Variants in WDFY4 observed in about 807,000 individuals in gnomAD.
WDFY4 encodes WD repeat- and FYVE domain-containing protein 4.
WDFY4 carries 169 observed loss-of-function variants against 351.9 expected under a neutral mutation model. The ratio of observed to expected loss-of-function variants is 0.48; its 90% confidence interval spans 0.42 to 0.55. The LOEUF is 0.55. Ranked by LOEUF, WDFY4 falls within the 20% of genes least tolerant of loss-of-function variation. The pLI, the probability that WDFY4 is intolerant of heterozygous loss-of-function variation, is 0.00. For missense variants in WDFY4, 3,803 were observed against 3,935.6 expected (o/e 0.97, Z 0.90); for synonymous variants, 1,622 against 1,574.6 (o/e 1.03, Z -0.71).
chr10:48,694,920 C>A (rs1276799860), intron 1 of WDFY4, among the ~76,000 whole-genome samples: 1 of 152,196 alleles, frequency 6.6e-6, no homozygotes, highest in Non-Finnish European at 1.5e-5. Flanking sequence ...GCCACCACCA[C>A]CCTGCCCAAT....
chr10:48,913,717 G>T, intron 47 of WDFY4: 1 of 1,612,926 alleles, frequency 6.2e-7, no homozygotes, highest in Non-Finnish European at 8.5e-7. Context: ...CCTACCTCGT[G>T]GAGCTCCTTC....
At chr10:48,796,533 C>A in intron 24 of WDFY4, 83 bp downstream of exon 24, 1 of 1,471,820 alleles carries the variant, frequency 6.8e-7, no homozygotes, top group South Asian at 1.3e-5. Context: ...CTAAACCTAG[C>A]ATGTCAGCTT....
At chr10:48,798,474 TAGAA>T (rs1320337887) in intron 24 of WDFY4, among the ~76,000 whole-genome samples, 1 of 152,058 alleles carries the variant, frequency 6.6e-6, no homozygotes, top group African/African-American at 2.4e-5. Flanking sequence ...AATGAGCAAT[TAGAA>T]AGGAAAGAGA....
intron 39 of WDFY4, among the ~76,000 whole-genome samples, chr10:48,864,975 G>A (rs2069490239): frequency 6.6e-6 from 1 of 152,076 alleles, no homozygotes; most frequent in South Asian, 2.1e-4. Context: ...GGAATATTTG[G>A]GATTTTCTAT....
intron 51 of WDFY4, among the ~76,000 whole-genome samples, chr10:48,954,019 G>GT (rs1841469384): frequency 6.6e-6 from 1 of 152,150 alleles, no homozygotes; most frequent in Non-Finnish European, 1.5e-5. Context: ...ATTTTAACTT[G>GT]GATCAATGTG....
intron 54 of WDFY4, among the ~76,000 whole-genome samples, chr10:48,965,726 G>A (rs1208596888): frequency 6.6e-6 from 1 of 151,852 alleles, no homozygotes; most frequent in Admixed American, 6.6e-5. Context: ...TGCAGTCTGG[G>A]AGAGACTGCA....
intron 19 of WDFY4, among the ~76,000 whole-genome samples, chr10:48,784,116 A>G (rs1389924218): frequency 6.6e-6 from 1 of 152,188 alleles, no homozygotes; most frequent in Non-Finnish European, 1.5e-5. Flanking sequence ...GGGATGTTTC[A>G]GGTTTTGGCT....
intron 2 of WDFY4, among the ~76,000 whole-genome samples, chr10:48,713,844 C>T (rs1249054764): frequency 6.6e-6 from 1 of 152,158 alleles, no homozygotes. Context: ...CTTTCTTTGA[C>T]CTGTGCTAAG....
chr10:48,948,445 A>G (rs1841163133), intron 51 of WDFY4, among the ~76,000 whole-genome samples: 1 of 152,214 alleles, frequency 6.6e-6, no homozygotes, highest in Non-Finnish European at 1.5e-5. Context: ...CTGGGAATTT[A>G]AGTGTTTAAG....
chr10:48,843,282 G>A (rs2068669910), intron 39 of WDFY4, among the ~76,000 whole-genome samples: 1 of 152,164 alleles, frequency 6.6e-6, no homozygotes, highest in Admixed American at 6.5e-5. Context: ...AAGCCAGGCT[G>A]TGTTTATATG....
chr10:48,711,583 G>A (rs1038175660), intron 2 of WDFY4, among the ~76,000 whole-genome samples: 2 of 152,146 alleles, frequency 1.3e-5, no homozygotes, highest in African/African-American at 4.8e-5. Flanking sequence ...GCACCCAAGA[G>A]CCAGGACTTG....
At chr10:48,887,440 A>T (rs2070505574) in intron 43 of WDFY4, among the ~76,000 whole-genome samples, 6 of 152,216 alleles carry the variant, frequency 3.9e-5, no homozygotes. Flanking sequence ...TGGCTACTTG[A>T]ATTAAAAATG....
At chr10:48,935,079 A>C (rs1840269888) in intron 47 of WDFY4, 1 of 152,242 alleles carries the variant, frequency 6.6e-6, no homozygotes, top group Admixed American at 6.5e-5. Flanking sequence ...TGCTTACTCA[A>C]AGGAGGGGAG....
chr10:48,910,132 G>T, intron 47 of WDFY4: 1 of 1,118,546 alleles, frequency 8.9e-7, no homozygotes, highest in Non-Finnish European at 1.4e-6. Flanking sequence ...CTGGTTTCCA[G>T]AACATCTCAC....
intron 51 of WDFY4, among the ~76,000 whole-genome samples, chr10:48,949,005 C>A (rs1293297955): frequency 5.9e-5 from 9 of 152,236 alleles, no homozygotes; most frequent in African/African-American, 2.2e-4. Flanking sequence ...CCAGTCTGGT[C>A]CATTGGTGAC....
At chr10:48,693,672 G>T (rs1028510083) in intron 1 of WDFY4, among the ~76,000 whole-genome samples, 3 of 152,204 alleles carry the variant, frequency 2.0e-5, no homozygotes, top group Non-Finnish European at 4.4e-5. Flanking sequence ...AACGCTTCAT[G>T]TTACAGGTGG....
chr10:48,771,089 G>A (rs1371530871), intron 13 of WDFY4, among the ~76,000 whole-genome samples: 1 of 152,230 alleles, frequency 6.6e-6, no homozygotes, highest in East Asian at 1.9e-4. Flanking sequence ...AAGAGCTACA[G>A]GGCCCATGTG....
At chr10:48,690,856 G>A (rs2063174638) in intron 1 of WDFY4, among the ~76,000 whole-genome samples, 1 of 152,206 alleles carries the variant, frequency 6.6e-6, no homozygotes, top group South Asian at 2.1e-4. Flanking sequence ...AGGTGGCCAT[G>A]AGCAGCCTGA....
chr10:48,886,080 C>A (rs2070445219), intron 43 of WDFY4, among the ~76,000 whole-genome samples: 1 of 152,214 alleles, frequency 6.6e-6, no homozygotes, highest in Non-Finnish European at 1.5e-5. Flanking sequence ...TTGCAGCAGA[C>A]TCACTCACCG....
Sources: allele counts gnomAD v4.1 joint callset (sites outside exome capture counted in the v4.1 genomes callset), GRCh38; gene constraint gnomAD v4.1.1; transcripts MANE v1.5; gene names NCBI Gene and HGNC (gene_info 2026-07-23, HGNC 2026-07-21).